Variants in TGFA observed in about 807,000 individuals in gnomAD.
The protein encoded by TGFA is protransforming growth factor alpha.
In TGFA, 12 loss-of-function variants were observed where a neutral mutation model predicts 21.7. The ratio of observed to expected loss-of-function variants is 0.55; its 90% CI spans 0.35 to 0.90. TGFA has a LOEUF of 0.90. Ranked by LOEUF, TGFA falls within the 40% of genes least tolerant of loss-of-function variation. The pLI, the probability that TGFA is intolerant of heterozygous loss-of-function variation, is 0.01. For synonymous variants in TGFA, 79 were observed against 88.1 expected (o/e 0.90, Z 0.58); for missense variants, 178 against 210.8 (o/e 0.84, Z 0.96).
In TGFA at chr2:70,521,609, G is replaced by GTTTTTTTTTTTTTTTTTTTTT. The variant is rs797022948; in HGVS notation, c.41-6698_41-6697insAAAAAAAAAAAAAAAAAAAAA. On this transcript the variant is annotated intron_variant, in intron 1 of 5. Transcript: ENST00000295400. The stretch of plus-strand genomic sequence containing the variant: ...ACTATTGATAGTTTTTTTTGTTGTT[G>GTTTTTTTTTTTTTTTTTTTTT]TTTGTTTGTTTTTTTTTTTTTTTTT... Among the ~76,000 whole-genome samples the GTTTTTTTTTTTTTTTTTTTTT allele has an allele frequency of 1.6e-4, 13 of 78,888 alleles. 1 individual carries two copies. Among genetic ancestry groups the GTTTTTTTTTTTTTTTTTTTTT allele is most frequent in the African/African-American group, 2.0e-4 (4 of 20,206 alleles). The allele number at this position is 78,888 out of a possible 152,430, so 51.8% of individuals were successfully genotyped here. A position where few individuals can be genotyped will look rare whatever the true frequency, so the allele number is the denominator to read the frequency against.
At chr2:70,521,617 G>GTTTTTTTTTTTTTTTTTTTTTTTTTTTTT (rs35177436) in intron 1 of TGFA, among the ~76,000 whole-genome samples, 2 of 87,096 alleles carry the variant, frequency 2.3e-5, no homozygotes, top group African/African-American at 4.6e-5. Flanking sequence ...TTGTTTGTTT[G>GTTTTTTTTTTTTTTTTTTTTTTTTTTTTT]TTTTTTTTTT....
intron 1 of TGFA, among the ~76,000 whole-genome samples, chr2:70,520,970 C>T (rs1008408475): frequency 1.4e-4 from 21 of 152,236 alleles, no homozygotes; most frequent in Non-Finnish European, 1.9e-4. Flanking sequence ...CTCCTACACA[C>T]CCAGCCTCCA....
rs1421401372 is a variant in TGFA, at chr2:70,521,612, TGTTTG to T, written c.41-6705_41-6701del. Among the ~76,000 whole-genome samples, 72 of 80,044 alleles carry T rather than the reference TGTTTG, an allele frequency of 9.0e-4. 1 individual carries two copies. Among genetic ancestry groups the T allele is most frequent in the African/African-American group, 1.8e-3 (25 of 14,226 alleles). The allele number at this position is 80,044 out of a possible 152,430, so 52.5% of individuals were successfully genotyped here. ...ATTGATAGTTTTTTTTGTTGTTGTT[TGTTTG>T]TTTTTTTTTTTTTTTTTTTTTGAGT... On this transcript the variant is annotated intron_variant, in intron 1 of 5. Coordinates refer to ENST00000295400, the MANE Select transcript of TGFA (RefSeq NM_003236.4).
At chr2:70,522,353 G>A (rs1364204075) in intron 1 of TGFA, among the ~76,000 whole-genome samples, 1 of 152,166 alleles carries the variant, frequency 6.6e-6, no homozygotes, top group African/African-American at 2.4e-5. Context: ...GATCCCTGCC[G>A]CTACAGCTCT....
chr2:70,453,394 T>C, intron 4 of TGFA, 67 bp from the exon 5 acceptor site: 3 of 1,445,748 alleles, frequency 2.1e-6, no homozygotes, highest in Admixed American at 1.7e-5. Flanking sequence ...GTACAGCATC[T>C]GCCCTAGGGG....
At chr2:70,551,924 G>T (rs1553506890) in intron 1 of TGFA, among the ~76,000 whole-genome samples, 1 of 152,054 alleles carries the variant, frequency 6.6e-6, no homozygotes, top group African/African-American at 2.4e-5. Context: ...TGGGGTGTAG[G>T]GACAGCTTTC....
intron 1 of TGFA, among the ~76,000 whole-genome samples, chr2:70,521,688 C>T (rs1438000415): frequency 7.5e-6 from 1 of 132,516 alleles, no homozygotes; most frequent in African/African-American, 2.9e-5. Flanking sequence ...GATCTTGGCT[C>T]ACTGCAACCT....
chr2:70,537,648 A>C (rs782736633), intron 1 of TGFA, among the ~76,000 whole-genome samples: 9 of 152,256 alleles, frequency 5.9e-5, no homozygotes, highest in Non-Finnish European at 1.2e-4. Flanking sequence ...AGCCTACTCC[A>C]GAGTAAGCCC....
chr2:70,550,858 CA>C (rs1479283576), intron 1 of TGFA, among the ~76,000 whole-genome samples: 1 of 152,208 alleles, frequency 6.6e-6, no homozygotes, highest in South Asian at 2.1e-4. Context: ...GAAAACAAAA[CA>C]AAAAAACCCT....
chr2:70,451,873 C>G, intron 5 of TGFA: 1 of 641,746 alleles, frequency 1.6e-6, no homozygotes, highest in South Asian at 1.8e-5. Context: ...TTACCCACAT[C>G]GCTCATGAGC....
At position 70,514,849 on chromosome 2, in the gene TGFA, C is replaced by A; in HGVS notation, c.94+10G>T. 1 of 1,613,840 alleles carries A rather than the reference C, an allele frequency of 6.2e-7. No individual in the cohort carries two copies. ...CACACGATCCACACACCCACGGCAG[C>A]TGCACTCACCACTCAGCGGGGACGT... On this transcript the variant is annotated intron_variant, in intron 2 of 5. Coordinates refer to ENST00000295400, the MANE Select transcript of TGFA (RefSeq NM_003236.4).
intron 2 of TGFA, among the ~76,000 whole-genome samples, chr2:70,514,336 G>T (rs1466907211): frequency 6.6e-6 from 1 of 151,612 alleles, no homozygotes; most frequent in African/African-American, 2.4e-5. Context: ...GCAGTGCTGT[G>T]GCCACTGATG....
intron 2 of TGFA, among the ~76,000 whole-genome samples, chr2:70,511,602 A>G (rs80293393): frequency 0.042 from 6,357 of 151,738 alleles, 441 homozygotes; most frequent in African/African-American, 0.15. Flanking sequence ...AGGAATCATC[A>G]TTGCCTTTCT....
chr2:70,506,029 C>CA (rs150292815), intron 2 of TGFA, among the ~76,000 whole-genome samples: 2,572 of 152,270 alleles, frequency 0.017, 63 homozygotes, highest in African/African-American at 0.059. Context: ...CCAGATGCTC[C>CA]AGGTCAATCT....
intron 2 of TGFA, among the ~76,000 whole-genome samples, chr2:70,498,879 T>C (rs782081171): frequency 1.3e-5 from 2 of 152,166 alleles, no homozygotes; most frequent in Admixed American, 1.3e-4. Flanking sequence ...TCCCTCTTTT[T>C]CCCCTACACT....
At chr2:70,451,686 A>G (rs1239645310) in intron 5 of TGFA, 4 of 681,624 alleles carry the variant, frequency 5.9e-6, no homozygotes, top group East Asian at 5.4e-5. Flanking sequence ...AAGATTAAAA[A>G]CATTTTTCTA....
rs1195752514 is a variant in TGFA, at chr2:70,449,346, T to A, written c.*1513A>T. ...CTAGGTGCACTTAAGAGTTAATACA[T>A]AGAAATCTTTCACTTTTCAGATATT... On this transcript the variant is annotated 3_prime_UTR_variant, in exon 6 of 6. Transcript: ENST00000295400. 4 of 152,496 alleles carry A rather than the reference T, an allele frequency of 2.6e-5. No individual in the cohort carries two copies. The highest frequency in any genetic ancestry group is 5.9e-5 in the Non-Finnish European group (4 of 68,240). The allele number at this position is 152,496 out of a possible 1,614,324, so 9.4% of individuals were successfully genotyped here. A position where few individuals can be genotyped will look rare whatever the true frequency, so the allele number is the denominator to read the frequency against.
chr2:70,450,758 G>A lies in TGFA; in HGVS notation c.*101C>T. The A allele has an allele frequency of 1.2e-5, 17 of 1,394,690 alleles. No homozygotes were observed. In the South Asian group the frequency reaches 2.0e-4, roughly 16 times the overall value. 86.4% of individuals were successfully genotyped at this position (1,394,690 alleles called of 1,614,324 possible). ...AGGTGATTACAGGCCAAGTAGGAAG[G>A]TCTGTGGCACACCCAGGCATCTCTG... On this transcript the variant is annotated 3_prime_UTR_variant, in exon 6 of 6. Transcript: ENST00000295400.
intron 2 of TGFA, among the ~76,000 whole-genome samples, chr2:70,513,507 C>T (rs1672168532): frequency 6.6e-6 from 1 of 152,190 alleles, no homozygotes; most frequent in Non-Finnish European, 1.5e-5. Flanking sequence ...CCACTTCCAG[C>T]CCCAACAAAG....
Sources: gnomAD v4.1 joint callset for allele counts (sites outside exome capture counted in the v4.1 genomes callset) on GRCh38, gnomAD v4.1.1 for gene constraint, MANE v1.5 for transcripts, NCBI Gene and HGNC (gene_info 2026-07-23, HGNC 2026-07-21) for gene names.